RASAL2: variants seen among roughly 807,000 people sequenced by gnomAD.
The protein encoded by RASAL2 is RAS protein activator like 2.
A neutral mutation model predicts 128.9 loss-of-function variants in RASAL2; 58 were observed. That is an observed-to-expected ratio of 0.45 (90% CI 0.36 to 0.56). The LOEUF is 0.56. RASAL2 is among the 20% of genes least tolerant of loss of function. RASAL2 has a pLI of 0.00. For missense variants in RASAL2, 1,360 were observed against 1,601.6 expected (o/e 0.85, Z 2.57); for synonymous variants, 561 against 580.8 (o/e 0.97, Z 0.49).
intron 1 of RASAL2, among the ~76,000 whole-genome samples, chr1:178,232,546 C>T (rs1444101232): frequency 6.6e-6 from 1 of 152,110 alleles, no homozygotes; most frequent in African/African-American, 2.4e-5. Context: ...TGCCTCTGCT[C>T]TTTTTCTTCC....
chr1:178,158,276 T>G (rs1320250322), intron 1 of RASAL2, among the ~76,000 whole-genome samples: 1 of 152,260 alleles, frequency 6.6e-6, no homozygotes, highest in African/African-American at 2.4e-5. Flanking sequence ...TTAGATCAAC[T>G]TGGGTTCAAA....
intron 1 of RASAL2, among the ~76,000 whole-genome samples, chr1:178,131,294 AC>A (rs202061733): frequency 0.021 from 3,142 of 150,254 alleles, 95 homozygotes; most frequent in African/African-American, 0.069. Context: ...GCAGTCTTGA[AC>A]TCCCAGGCTC....
intron 1 of RASAL2, among the ~76,000 whole-genome samples, chr1:178,105,544 C>G (rs1659055982): frequency 6.6e-6 from 1 of 152,044 alleles, no homozygotes; most frequent in Non-Finnish European, 1.5e-5. Context: ...ATAGAATATG[C>G]AAATATCTTG....
intron 3 of RASAL2, among the ~76,000 whole-genome samples, chr1:178,379,138 G>A (rs886235245): frequency 3.3e-5 from 5 of 152,224 alleles, no homozygotes; most frequent in South Asian, 4.1e-4. Flanking sequence ...TGGAAATTTA[G>A]ACAAGTGGAC....
intron 1 of RASAL2, among the ~76,000 whole-genome samples, chr1:178,256,742 C>T (rs975270431): frequency 1.4e-4 from 21 of 152,104 alleles, no homozygotes; most frequent in Admixed American, 1.3e-3. Flanking sequence ...GGCATGATCT[C>T]GGCTCATTGC....
At chr1:178,154,371 A>AC in intron 1 of RASAL2, among the ~76,000 whole-genome samples, 1 of 151,184 alleles carries the variant, frequency 6.6e-6, no homozygotes, top group South Asian at 2.1e-4. Context: ...CTGGTGTTGA[A>AC]CTCCCGGGCT....
chr1:178,200,933 G>A (rs538658302), intron 1 of RASAL2, among the ~76,000 whole-genome samples: 26 of 152,222 alleles, frequency 1.7e-4, no homozygotes, highest in East Asian at 1.5e-3. Flanking sequence ...CAGTGATGGC[G>A]TCCCCTGAGG....
At chr1:178,299,895 C>T (rs1025314121) in intron 2 of RASAL2, 97 bp from the exon 3 acceptor site, 110 of 1,270,336 alleles carry the variant, frequency 8.7e-5, no homozygotes, top group Non-Finnish European at 1.1e-4. Flanking sequence ...CTCTTTGTTA[C>T]ACACTCCTGT....
chr1:178,197,617 A>G (rs1032018788), intron 1 of RASAL2, among the ~76,000 whole-genome samples: 4 of 152,000 alleles, frequency 2.6e-5, no homozygotes, highest in Non-Finnish European at 5.9e-5. Context: ...TGGGGAAAAA[A>G]AAAAAAAAAA....
At chr1:178,366,419 A>G (rs1191309835) in intron 3 of RASAL2, among the ~76,000 whole-genome samples, 1 of 152,128 alleles carries the variant, frequency 6.6e-6, no homozygotes, top group East Asian at 1.9e-4. Context: ...ATCTTTTCCT[A>G]TGTGCAAGAA....
chr1:178,446,076 ACTTCC>A (rs926480861), intron 9 of RASAL2, among the ~76,000 whole-genome samples: 1 of 152,224 alleles, frequency 6.6e-6, no homozygotes, highest in Non-Finnish European at 1.5e-5. Context: ...AACTCTTGCC[ACTTCC>A]CACAACTCCC....
At chr1:178,241,328 A>G (rs1664487503) in intron 1 of RASAL2, among the ~76,000 whole-genome samples, 1 of 152,194 alleles carries the variant, frequency 6.6e-6, no homozygotes, top group African/African-American at 2.4e-5. Flanking sequence ...AATAAGCTAC[A>G]AAAGTACTAT....
intron 3 of RASAL2, among the ~76,000 whole-genome samples, chr1:178,389,597 G>A (rs1672775993): frequency 6.6e-6 from 1 of 152,162 alleles, no homozygotes; most frequent in Non-Finnish European, 1.5e-5. Flanking sequence ...TATCTTGGCA[G>A]CAGCTTTCAG....
intron 14 of RASAL2, among the ~76,000 whole-genome samples, chr1:178,458,770 C>T (rs1677970222): frequency 6.6e-6 from 1 of 152,078 alleles, no homozygotes. Context: ...CGCAGAGGCC[C>T]CCTTCCTTCT....
chr1:178,467,277 T>C (rs1647816685), intron 16 of RASAL2, 57 bp from the exon 17 acceptor site: 1 of 1,412,408 alleles, frequency 7.1e-7, no homozygotes, highest in Non-Finnish European at 1.0e-6. Flanking sequence ...TCCTGTTCTC[T>C]ACACTAGCTA....
chr1:178,269,685 A>G (rs978985282), intron 1 of RASAL2, among the ~76,000 whole-genome samples: 4 of 152,162 alleles, frequency 2.6e-5, no homozygotes, highest in Non-Finnish European at 4.4e-5. Flanking sequence ...CGTACCCTAT[A>G]TGGTCCACAA....
intron 1 of RASAL2, among the ~76,000 whole-genome samples, chr1:178,170,913 T>A (rs897656599): frequency 1.3e-5 from 2 of 151,908 alleles, no homozygotes; most frequent in African/African-American, 4.8e-5. Context: ...TCCTTTGTCA[T>A]TTCTCACTTA....
At chr1:178,255,856 T>A (rs1665320118) in intron 1 of RASAL2, among the ~76,000 whole-genome samples, 1 of 152,074 alleles carries the variant, frequency 6.6e-6, no homozygotes, top group South Asian at 2.1e-4. Context: ...AATAACAACA[T>A]GAAATGTGAA....
chr1:178,299,073 A>T (rs1402218752), intron 2 of RASAL2, among the ~76,000 whole-genome samples: 3 of 152,104 alleles, frequency 2.0e-5, no homozygotes, highest in Non-Finnish European at 4.4e-5. Context: ...TAACCGCTTG[A>T]TATGTTTCTG....
Sources: gnomAD v4.1 joint callset for allele counts (sites outside exome capture counted in the v4.1 genomes callset) on GRCh38, gnomAD v4.1.1 for gene constraint, MANE v1.5 for transcripts, NCBI Gene and HGNC (gene_info 2026-07-23, HGNC 2026-07-21) for gene names.